The following SEMA6D variants were observed in gnomAD, a reference collection of about 807,000 sequenced individuals.
The protein encoded by SEMA6D is semaphorin 6D, also known as semaphorin-6D.
In SEMA6D, 35 loss-of-function variants were observed where a neutral mutation model predicts 106.6. The ratio of observed to expected loss-of-function variants is 0.33; its 90% CI spans 0.25 to 0.44. The LOEUF is 0.44. SEMA6D is among the 20% of genes least tolerant of loss of function. The pLI is 1.00. For synonymous variants in SEMA6D, 499 were observed against 487.7 expected, an observed-to-expected ratio of 1.02 and a Z score of -0.31; for missense variants, 1,185 against 1,345.9, an observed-to-expected ratio of 0.88 and a Z score of 1.87.
intron 3 of SEMA6D, among the ~76,000 whole-genome samples, chr15:47,532,828 G>A (rs778945118): frequency 7.9e-5 from 12 of 152,152 alleles, no homozygotes; most frequent in Non-Finnish European, 1.5e-4. Context: ...TGGATACCAG[G>A]AAATTCACTA....
chr15:47,228,163 C>CACAT lies in SEMA6D; in HGVS notation c.-239+43746_-239+43747insCATA, dbSNP rs374770930. 3.7e-3 allele frequency among the ~76,000 whole-genome samples: 505 copies of CACAT among 136,824 alleles called. 5 individuals carry two copies. Among genetic ancestry groups the CACAT allele is most frequent in the African/African-American group, 0.013 (491 of 36,820 alleles). The allele number at this position is 136,824 out of a possible 152,430, so 89.8% of individuals were successfully genotyped here. Reference sequence around the variant, plus strand: ...ACACACACACACACACACACACACACATATATATATAACCTTTTGTTACTT... The same window carrying CACAT: ...ACACACACACACACACACACACACACACATATATATATATAACCTTTTGTTACTT... On this transcript the variant is annotated intron_variant, in intron 1 of 19. Coordinates refer to the SEMA6D transcript ENST00000558014.
chr15:47,399,882 G>T (rs1396904511), intron 1 of SEMA6D, among the ~76,000 whole-genome samples: 1 of 152,188 alleles, frequency 6.6e-6, no homozygotes, highest in Non-Finnish European at 1.5e-5. Context: ...TGAAAGCATC[G>T]ATGTGTCAGG....
chr15:47,197,081 C>T (rs1894412041), intron 1 of SEMA6D, among the ~76,000 whole-genome samples: 1 of 152,190 alleles, frequency 6.6e-6, no homozygotes, highest in South Asian at 2.1e-4. Context: ...CTCCCCCTTT[C>T]TGTAGTTTGG....
intron 1 of SEMA6D, among the ~76,000 whole-genome samples, chr15:47,744,082 A>C (rs1201515630): frequency 1.3e-5 from 2 of 152,182 alleles, no homozygotes; most frequent in African/African-American, 4.8e-5. Context: ...AGTGAGTTCC[A>C]GATGCTATGG....
chr15:47,517,454 A>T (rs942436550), intron 3 of SEMA6D, among the ~76,000 whole-genome samples: 4 of 152,042 alleles, frequency 2.6e-5, no homozygotes, highest in Admixed American at 2.6e-4. Flanking sequence ...TTACACATCT[A>T]TATTGTACTC....
At chr15:47,383,683 T>G (rs924956640) in intron 1 of SEMA6D, among the ~76,000 whole-genome samples, 3 of 152,178 alleles carry the variant, frequency 2.0e-5, no homozygotes, top group Non-Finnish European at 4.4e-5. Flanking sequence ...ATCACCCCAT[T>G]TTGTAAGATA....
intron 1 of SEMA6D, among the ~76,000 whole-genome samples, chr15:47,718,264 C>T (rs1273836309): frequency 6.6e-6 from 1 of 152,192 alleles, no homozygotes; most frequent in Non-Finnish European, 1.5e-5. Flanking sequence ...GCTGGGACGC[C>T]CGGGGTCTGG....
At chr15:47,733,894 A>G (rs537540577) in intron 1 of SEMA6D, among the ~76,000 whole-genome samples, 7 of 152,312 alleles carry the variant, frequency 4.6e-5, no homozygotes, top group Admixed American at 3.3e-4. Context: ...TCCTCCCCCA[A>G]AAAAAGTATT....
At chr15:47,547,544 T>A (rs887987164) in intron 3 of SEMA6D, among the ~76,000 whole-genome samples, 3 of 152,080 alleles carry the variant, frequency 2.0e-5, no homozygotes, top group African/African-American at 7.2e-5. Context: ...GGTTTTTAAC[T>A]TTTTTTTACC....
At chr15:47,531,020 T>C (rs575385598) in intron 3 of SEMA6D, among the ~76,000 whole-genome samples, 7 of 152,340 alleles carry the variant, frequency 4.6e-5, no homozygotes, top group African/African-American at 1.7e-4. Flanking sequence ...TATATGTATT[T>C]ATGAATAATG....
At chr15:47,374,653 C>T (rs1191768095) in intron 1 of SEMA6D, among the ~76,000 whole-genome samples, 1 of 152,128 alleles carries the variant, frequency 6.6e-6, no homozygotes, top group Non-Finnish European at 1.5e-5. Context: ...TAAGGGTTTT[C>T]TATATGATTG....
At chr15:47,465,000 C>T (rs1830384760) in intron 2 of SEMA6D, among the ~76,000 whole-genome samples, 2 of 152,144 alleles carry the variant, frequency 1.3e-5, no homozygotes, top group Admixed American at 6.5e-5. Context: ...TAAAGTGAGC[C>T]TCAAGCTAGA....
chr15:47,662,400 C>T (rs564884588), intron 4 of SEMA6D, among the ~76,000 whole-genome samples: 1 of 152,258 alleles, frequency 6.6e-6, no homozygotes, highest in African/African-American at 2.4e-5. Flanking sequence ...ACTGAAACTT[C>T]AAAATAACCA....
intron 1 of SEMA6D, among the ~76,000 whole-genome samples, chr15:47,245,577 C>T (rs1193997449): frequency 6.6e-6 from 1 of 152,156 alleles, no homozygotes; most frequent in Non-Finnish European, 1.5e-5. Flanking sequence ...TGATCTAGAG[C>T]ATCTGGATAT....
chr15:47,366,058 C>CT (rs1326868347), intron 1 of SEMA6D, among the ~76,000 whole-genome samples: 1 of 152,124 alleles, frequency 6.6e-6, no homozygotes, highest in Non-Finnish European at 1.5e-5. Context: ...AACTGACCTC[C>CT]TTTTTTACAG....
intron 4 of SEMA6D, among the ~76,000 whole-genome samples, chr15:47,632,133 CT>C (rs1247563005): frequency 2.6e-5 from 4 of 151,638 alleles, no homozygotes; most frequent in Non-Finnish European, 5.9e-5. Flanking sequence ...TTTTTGTTTT[CT>C]TCCTAGTTTG....
intron 3 of SEMA6D, among the ~76,000 whole-genome samples, chr15:47,506,227 A>G (rs924103751): frequency 1.5e-4 from 23 of 152,090 alleles, no homozygotes; most frequent in African/African-American, 5.6e-4. Context: ...CACAAGGCCA[A>G]TTTTATCCCT....
At chr15:47,234,139 T>A (rs145556245) in intron 1 of SEMA6D, among the ~76,000 whole-genome samples, 7 of 151,922 alleles carry the variant, frequency 4.6e-5, no homozygotes, top group Non-Finnish European at 8.8e-5. Context: ...GTTTTGAAAA[T>A]GTCTGACATA....
At chr15:47,244,943 GC>G (rs1326298366) in intron 1 of SEMA6D, among the ~76,000 whole-genome samples, 1 of 151,962 alleles carries the variant, frequency 6.6e-6, no homozygotes, top group Non-Finnish European at 1.5e-5. Flanking sequence ...AAGAGAACAT[GC>G]AATATTTGGT....
Sources: allele counts gnomAD v4.1 joint callset (sites outside exome capture counted in the v4.1 genomes callset), GRCh38; gene constraint gnomAD v4.1.1; transcripts MANE v1.5; gene names NCBI Gene and HGNC (gene_info 2026-07-23, HGNC 2026-07-21).